The following MAPKAP1 variants were observed in gnomAD, a reference collection of about 807,000 sequenced individuals.
MAPKAP1 encodes the protein target of rapamycin complex 2 subunit MAPKAP1.
Under a neutral mutation model 65.7 loss-of-function variants are expected in MAPKAP1, and 20 were observed. The ratio of observed to expected loss-of-function variants is 0.30; its 90% confidence interval spans 0.21 to 0.44. The LOEUF (loss-of-function observed/expected upper bound fraction) is 0.44, where lower values mean the gene tolerates loss of function less well. Ranked by LOEUF, MAPKAP1 falls within the 20% of genes least tolerant of loss-of-function variation. The pLI is 1.00. For synonymous variants in MAPKAP1, 222 were observed against 244.3 expected (o/e 0.91, Z 0.85); for missense variants, 423 against 648.0 (o/e 0.65, Z 3.77).
At chr9:125,535,955 T>C (rs569576694) in intron 7 of MAPKAP1, among the ~76,000 whole-genome samples, 1 of 152,284 alleles carries the variant, frequency 6.6e-6, no homozygotes, top group African/African-American at 2.4e-5. Context: ...ACTGCCCAGA[T>C]GATATGAATG....
Position 125,595,219 on chromosome 9 carries a change from T to C in MAPKAP1, c.499-9492A>G, listed in dbSNP as rs749666476. On this transcript the variant is annotated intron_variant, in intron 4 of 11. Coordinates refer to ENST00000265960, the MANE Select transcript of MAPKAP1 (RefSeq NM_001006617.3). This position sits in a 1 kb window ranked among gnomAD's most constrained non-coding sequence, Gnocchi z 4.0. ...TATGAATGTTTTGTAACTTGTGATA[T>C]ATACTGGAAAAGCTCAGTCTTTTAA... Among the ~76,000 whole-genome samples, 1 of 152,236 alleles carries C rather than the reference T, an allele frequency of 6.6e-6. No individual in the cohort carries two copies. The highest frequency in any genetic ancestry group is 1.5e-5 in the Non-Finnish European group (1 of 68,040).
At chr9:125,658,949 C>T (rs1227806624) in intron 3 of MAPKAP1, among the ~76,000 whole-genome samples, 1 of 151,024 alleles carries the variant, frequency 6.6e-6, no homozygotes, top group Non-Finnish European at 1.5e-5. Context: ...TTAGAACTTT[C>T]AAAAAAAAAT....
At chr9:125,561,424 A>G (rs1830888950) in intron 5 of MAPKAP1, among the ~76,000 whole-genome samples, 1 of 152,256 alleles carries the variant, frequency 6.6e-6, no homozygotes, top group Admixed American at 6.5e-5. Flanking sequence ...AAATGGATTG[A>G]TAACAAGAAA....
chr9:125,643,211 G>C (rs1376631636), intron 4 of MAPKAP1, among the ~76,000 whole-genome samples: 6 of 131,606 alleles, frequency 4.6e-5, no homozygotes, highest in East Asian at 2.3e-4. Flanking sequence ...TTTTTTTTTG[G>C]GGGGAGGGAG....
intron 4 of MAPKAP1, among the ~76,000 whole-genome samples, chr9:125,624,643 C>T (rs1833039401): frequency 1.4e-5 from 1 of 70,544 alleles, no homozygotes. Flanking sequence ...GCCCGGCCAG[C>T]CGCCCCGTCC....
At chr9:125,641,161 ACACTATTATTATCTT>A (rs1833566836) in intron 4 of MAPKAP1, among the ~76,000 whole-genome samples, 1 of 152,198 alleles carries the variant, frequency 6.6e-6, no homozygotes, top group Admixed American at 6.5e-5. Context: ...TCAACAGTAA[ACACTATTATTATCTT>A]CATCTGTTAA....
chr9:125,478,937 A>G (rs988938575), intron 9 of MAPKAP1, among the ~76,000 whole-genome samples: 8 of 152,220 alleles, frequency 5.3e-5, no homozygotes, highest in Admixed American at 3.9e-4. Flanking sequence ...GTAAGTTGTC[A>G]TAGTTCCACA....
chr9:125,656,001 C>T (rs1834022998), intron 4 of MAPKAP1, among the ~76,000 whole-genome samples: 1 of 152,160 alleles, frequency 6.6e-6, no homozygotes, highest in Non-Finnish European at 1.5e-5. Flanking sequence ...TGTGACAAAT[C>T]TGAACCTAAG....
chr9:125,593,442 G>A (rs1258530216), intron 4 of MAPKAP1, among the ~76,000 whole-genome samples: 2 of 152,148 alleles, frequency 1.3e-5, no homozygotes, highest in African/African-American at 4.8e-5. Context: ...CGGATGGATT[G>A]CCTCAGCTCA....
At chr9:125,470,233 G>C (rs573630757) in intron 9 of MAPKAP1, among the ~76,000 whole-genome samples, 1 of 152,336 alleles carries the variant, frequency 6.6e-6, no homozygotes, top group East Asian at 1.9e-4. Context: ...ATGAAAAGAT[G>C]ATAGTGACAT....
At chr9:125,468,629 C>T (rs1564521770) in intron 9 of MAPKAP1, among the ~76,000 whole-genome samples, 1 of 152,198 alleles carries the variant, frequency 6.6e-6, no homozygotes, top group Non-Finnish European at 1.5e-5. Context: ...AATAAAATAA[C>T]TCTTCCTTTC....
At chr9:125,637,031 G>A (rs1405883785) in intron 4 of MAPKAP1, among the ~76,000 whole-genome samples, 3 of 152,228 alleles carry the variant, frequency 2.0e-5, no homozygotes, top group East Asian at 1.9e-4. Flanking sequence ...CATTTTGGGA[G>A]GCCGAGGTGG....
chr9:125,562,142 G>A (rs566240883), intron 5 of MAPKAP1, among the ~76,000 whole-genome samples: 2 of 152,308 alleles, frequency 1.3e-5, no homozygotes, highest in South Asian at 2.1e-4. Context: ...TAAGCCTATT[G>A]ATCAAAGCAG....
intron 2 of MAPKAP1, among the ~76,000 whole-genome samples, chr9:125,670,717 G>A (rs1287128147): frequency 6.6e-6 from 1 of 152,132 alleles, no homozygotes; most frequent in Non-Finnish European, 1.5e-5. Context: ...TGATCCTTTA[G>A]AGAAATACCA....
At chr9:125,662,385 A>G (rs1834211823) in intron 3 of MAPKAP1, among the ~76,000 whole-genome samples, 2 of 151,996 alleles carry the variant, frequency 1.3e-5, no homozygotes, top group Admixed American at 1.3e-4. Flanking sequence ...CTGTTTCAAA[A>G]CAAAAATTTT....
At chr9:125,698,288 A>AATATATATATAT (rs57303829) in intron 1 of MAPKAP1, among the ~76,000 whole-genome samples, 6 of 49,036 alleles carry the variant, frequency 1.2e-4, no homozygotes, top group Admixed American at 2.6e-4. Context: ...AATATATATA[A>AATATATATATAT]ATATATATAT....
At chr9:125,465,711 A>G (rs766375831) in intron 10 of MAPKAP1, among the ~76,000 whole-genome samples, 1 of 152,194 alleles carries the variant, frequency 6.6e-6, no homozygotes, top group Non-Finnish European at 1.5e-5. Context: ...TTAGTTCACT[A>G]TGGAGATGGA....
chr9:125,543,070 T>C lies in MAPKAP1; in HGVS notation c.947A>G (p.Gln316Arg). 2 of 1,610,730 alleles carry C rather than the reference T, an allele frequency of 1.2e-6. No homozygotes were observed. The highest frequency in any genetic ancestry group is 8.5e-7 in the Non-Finnish European group (1 of 1,176,846). Residue 316 changes from glutamine to arginine, a missense_variant, in exon 7 of 12, where the codon CAG (glutamine) becomes CGG (arginine). Physicochemically the swap from Gln to Arg is conservative, Grantham distance 43. Around this residue, in one of 6 missense-constraint regions of MAPKAP1, gnomAD observed 185 missense variants for 268.1 expected, o/e 0.69. Coordinates refer to ENST00000265960, the MANE Select transcript of MAPKAP1 (RefSeq NM_001006617.3). Reference protein sequence around the residue: ...LKAVKRRKGSQKVSGPQYRLE... With the variant: ...LKAVKRRKGSRKVSGPQYRLE... ...TTTAACTATCCCACCTGAAACTTTCTGGGATCCTTTTCTTCGCTTCACTGC... is the reference window on the plus strand; with the variant it reads ...TTTAACTATCCCACCTGAAACTTTCCGGGATCCTTTTCTTCGCTTCACTGC...
chr9:125,658,170 C>G (rs1046692374), intron 3 of MAPKAP1, among the ~76,000 whole-genome samples: 1 of 152,124 alleles, frequency 6.6e-6, no homozygotes, highest in Admixed American at 6.5e-5. Flanking sequence ...GCTTGTCAAA[C>G]TAGAAAATCT....
Sources: allele counts gnomAD v4.1 joint callset (sites outside exome capture counted in the v4.1 genomes callset), GRCh38; gene constraint gnomAD v4.1.1; regional missense constraint gnomAD v4.1.1; non-coding constraint Gnocchi (gnomAD v3.1); transcripts MANE v1.5; gene names NCBI Gene and HGNC (gene_info 2026-07-23, HGNC 2026-07-21).